PAX5: variants seen among roughly 807,000 people sequenced by gnomAD.
PAX5 encodes paired box protein Pax-5.
Under a neutral mutation model 43.7 loss-of-function variants are expected in PAX5, and 9 were observed. The ratio of observed to expected loss-of-function variants is 0.21; its 90% confidence interval spans 0.12 to 0.36. The LOEUF is 0.36. Ranked by LOEUF, PAX5 falls within the 10% of genes least tolerant of loss-of-function variation. The pLI, the probability that PAX5 is intolerant of heterozygous loss-of-function variation, is 1.00. For synonymous variants in PAX5, 228 were observed against 214.3 expected, an observed-to-expected ratio of 1.06 and a Z score of -0.56; for missense variants, 383 against 532.7, an observed-to-expected ratio of 0.72 and a Z score of 2.77.
chr9:36,871,028 C>T (rs952824890), intron 8 of PAX5, among the ~76,000 whole-genome samples: 2 of 152,166 alleles, frequency 1.3e-5, no homozygotes, highest in African/African-American at 2.4e-5. Flanking sequence ...AGTACTTTCT[C>T]CCTGTTTGCC....
chr9:36,946,595 A>G (rs1244916511), intron 6 of PAX5, among the ~76,000 whole-genome samples: 1 of 152,208 alleles, frequency 6.6e-6, no homozygotes, highest in Non-Finnish European at 1.5e-5. Flanking sequence ...TTGTCTCTCA[A>G]GGCCATGTGT....
At chr9:36,863,936 C>A (rs59331310) in intron 8 of PAX5, among the ~76,000 whole-genome samples, 1 of 152,318 alleles carries the variant, frequency 6.6e-6, no homozygotes, top group African/African-American at 2.4e-5. Flanking sequence ...TGGTGAAACC[C>A]CGTCTCTACT....
At position 36,966,741 on chromosome 9, in the gene PAX5, AG is replaced by A. The variant is rs770701152; in HGVS notation, c.605-18del. The A allele has an allele frequency of 1.2e-6, 2 of 1,611,714 alleles. No homozygotes were observed. Among genetic ancestry groups the A allele is most frequent in the Non-Finnish European group, 1.7e-6 (2 of 1,178,586 alleles). Reference sequence around the variant, plus strand: ...CCTGAATACCTTTGATGAGCAGGAGAGAGGAAGGGTGAGTGGAGGTTATACA... The same window carrying A: ...CCTGAATACCTTTGATGAGCAGGAGAAGGAAGGGTGAGTGGAGGTTATACA... On this transcript the variant is annotated intron_variant, in intron 5 of 9. Transcript: ENST00000358127.
chr9:36,967,776 G>C (rs1354899027), intron 5 of PAX5, among the ~76,000 whole-genome samples: 1 of 152,100 alleles, frequency 6.6e-6, no homozygotes, highest in Non-Finnish European at 1.5e-5. Flanking sequence ...TCTTTGGTTT[G>C]GTTTGGTTTC....
chr9:36,997,480 G>A (rs1231608340), intron 5 of PAX5, among the ~76,000 whole-genome samples: 1 of 152,198 alleles, frequency 6.6e-6, no homozygotes, highest in Non-Finnish European at 1.5e-5. Flanking sequence ...GAGATCAAAA[G>A]CCCAGGAAGG....
At chr9:37,005,379 A>T (rs1838304545) in intron 4 of PAX5, among the ~76,000 whole-genome samples, 1 of 152,190 alleles carries the variant, frequency 6.6e-6, no homozygotes, top group South Asian at 2.1e-4. Context: ...TTCTGAAGGG[A>T]TTACTAAATG....
At chr9:36,990,922 C>A (rs755142674) in intron 5 of PAX5, among the ~76,000 whole-genome samples, 1 of 152,170 alleles carries the variant, frequency 6.6e-6, no homozygotes, top group African/African-American at 2.4e-5. Flanking sequence ...CCAGCCTGGA[C>A]AACATGGTGA....
chr9:36,870,853 G>C (rs962511405), intron 8 of PAX5, among the ~76,000 whole-genome samples: 5 of 152,298 alleles, frequency 3.3e-5, no homozygotes, highest in African/African-American at 1.2e-4. Flanking sequence ...GAGTGCATTG[G>C]GCCCCAAGCC....
intron 8 of PAX5, among the ~76,000 whole-genome samples, chr9:36,875,981 A>C (rs2131730056): frequency 6.6e-6 from 1 of 152,352 alleles, no homozygotes; most frequent in African/African-American, 2.4e-5. Context: ...TCACAGCAGC[A>C]ACAGGAAACT....
chr9:36,941,439 G>A (rs998002950), intron 6 of PAX5, among the ~76,000 whole-genome samples: 1 of 152,202 alleles, frequency 6.6e-6, no homozygotes, highest in Non-Finnish European at 1.5e-5. Context: ...CGTCCGTCTT[G>A]AGGGGTATCC....
chr9:37,009,869 C>G (rs1838782548), intron 3 of PAX5, among the ~76,000 whole-genome samples: 2 of 152,006 alleles, frequency 1.3e-5, no homozygotes, highest in Non-Finnish European at 2.9e-5. Context: ...CAAGTGGCCC[C>G]CTTGGAAGCT....
chr9:36,888,235 C>T (rs1206199069), intron 7 of PAX5, among the ~76,000 whole-genome samples: 1 of 152,196 alleles, frequency 6.6e-6, no homozygotes, highest in Non-Finnish European at 1.5e-5. Context: ...CATCGAGTTA[C>T]CACGTGACCC....
chr9:36,867,083 TC>T (rs1382628589), intron 8 of PAX5, among the ~76,000 whole-genome samples: 2 of 151,228 alleles, frequency 1.3e-5, no homozygotes, highest in African/African-American at 4.8e-5. Flanking sequence ...TTGGTTGGTC[TC>T]CTGCTTCCCA....
intron 7 of PAX5, among the ~76,000 whole-genome samples, chr9:36,905,061 A>G (rs1425067232): frequency 6.6e-6 from 1 of 152,208 alleles, no homozygotes; most frequent in African/African-American, 2.4e-5. Flanking sequence ...AGGGCTTCCT[A>G]GAGGAGGCAG....
At chr9:36,966,307 C>T (rs891983019) in intron 6 of PAX5, among the ~76,000 whole-genome samples, 1 of 152,232 alleles carries the variant, frequency 6.6e-6, no homozygotes, top group African/African-American at 2.4e-5. Flanking sequence ...AGAAGTCACC[C>T]ACCCCCTGGC....
At chr9:36,879,317 A>G (rs1826193225) in intron 8 of PAX5, among the ~76,000 whole-genome samples, 1 of 152,244 alleles carries the variant, frequency 6.6e-6, no homozygotes. Context: ...GCCAGAGGGC[A>G]GGCTCTGTTT....
At chr9:36,896,458 C>T (rs1254714140) in intron 7 of PAX5, among the ~76,000 whole-genome samples, 3 of 152,144 alleles carry the variant, frequency 2.0e-5, no homozygotes, top group Non-Finnish European at 4.4e-5. Context: ...GAAAACCAAG[C>T]CCATCCCACA....
chr9:36,858,340 A>G (rs1337872788), intron 8 of PAX5, among the ~76,000 whole-genome samples: 1 of 152,148 alleles, frequency 6.6e-6, no homozygotes, highest in Admixed American at 6.5e-5. Flanking sequence ...TCTTGATTGT[A>G]AGGAAAGCCT....
At chr9:36,892,939 A>G (rs760107102) in intron 7 of PAX5, among the ~76,000 whole-genome samples, 6 of 152,260 alleles carry the variant, frequency 3.9e-5, no homozygotes, top group Non-Finnish European at 8.8e-5. Context: ...GGATAGAGGA[A>G]TTAAAATGTT....
Sources: allele counts gnomAD v4.1 joint callset (sites outside exome capture counted in the v4.1 genomes callset), GRCh38; gene constraint gnomAD v4.1.1; transcripts MANE v1.5; gene names NCBI Gene and HGNC (gene_info 2026-07-23, HGNC 2026-07-21).